TPO: variants seen among roughly 807,000 people sequenced by gnomAD.
The protein encoded by TPO is thyroid peroxidase, also known as thyroid microsomal antigen.
TPO carries 78 observed loss-of-function variants against 96.9 expected under a neutral mutation model. The ratio of observed to expected loss-of-function variants is 0.81; its 90% CI spans 0.67 to 0.97. The LOEUF is 0.97. TPO is among the 50% of genes least tolerant of loss of function. The pLI is 0.00. For synonymous variants in TPO, 547 were observed against 538.0 expected, an observed-to-expected ratio of 1.02 and a Z score of -0.23; for missense variants, 1,252 against 1,274.8, an observed-to-expected ratio of 0.98 and a Z score of 0.27.
chr2:1,428,757 T>G (rs1251802695), intron 3 of TPO, among the ~76,000 whole-genome samples: 1 of 152,278 alleles, frequency 6.6e-6, no homozygotes, highest in African/African-American at 2.4e-5. Context: ...CTTGCTCAGA[T>G]AGATTTTAGA....
intron 15 of TPO, among the ~76,000 whole-genome samples, chr2:1,535,664 C>T (rs1346746220): frequency 9.6e-6 from 1 of 103,726 alleles, no homozygotes; most frequent in Non-Finnish European, 2.0e-5. Context: ...CCTCAAATCC[C>T]CCCACTCTGT....
chr2:1,458,928 C>T (rs1165048971), intron 7 of TPO, among the ~76,000 whole-genome samples: 4 of 152,138 alleles, frequency 2.6e-5, no homozygotes, highest in African/African-American at 9.7e-5. Flanking sequence ...GCAAAGAGCA[C>T]ACTTGGCCCT....
intron 7 of TPO, 92 bp downstream of exon 7, chr2:1,456,374 T>A: frequency 7.3e-7 from 1 of 1,364,564 alleles, no homozygotes; most frequent in Non-Finnish European, 1.0e-6. Context: ...TGTGAAAGTC[T>A]GTTTCTTTGT....
At chr2:1,381,660 AT>A (rs1468296396) in intron 1 of TPO, among the ~76,000 whole-genome samples, 1 of 152,190 alleles carries the variant, frequency 6.6e-6, no homozygotes, top group Non-Finnish European at 1.5e-5. Context: ...TACTAATAAA[AT>A]TTTACAGTGT....
chr2:1,491,411 G>A (rs752661480), intron 10 of TPO, among the ~76,000 whole-genome samples: 4 of 152,092 alleles, frequency 2.6e-5, no homozygotes, highest in African/African-American at 7.2e-5. Context: ...TTCTAACTTC[G>A]TTGTTTTTTC....
At chr2:1,448,105 G>A (rs1022660250) in intron 5 of TPO, among the ~76,000 whole-genome samples, 33 of 152,204 alleles carry the variant, frequency 2.2e-4, no homozygotes, top group African/African-American at 7.7e-4. Context: ...TGGCCTGGGA[G>A]GAGCCGGGAT....
intron 15 of TPO, among the ~76,000 whole-genome samples, chr2:1,521,551 T>C (rs1340031795): frequency 1.8e-4 from 27 of 152,064 alleles, no homozygotes; most frequent in Admixed American, 1.7e-3. Flanking sequence ...CCTGAGTCTC[T>C]TGAGATGGAG....
At chr2:1,541,396 C>T (rs554624257) in intron 16 of TPO, 44 of 182,162 alleles carry the variant, frequency 2.4e-4, no homozygotes, top group South Asian at 4.5e-4. Context: ...CTTGCTCTGT[C>T]GCCCAGACTG....
intron 7 of TPO, among the ~76,000 whole-genome samples, chr2:1,460,358 TC>T (rs1455906635): frequency 6.6e-6 from 1 of 152,140 alleles, no homozygotes; most frequent in Non-Finnish European, 1.5e-5. Context: ...AGGCCCTCGT[TC>T]CCAGCTAAGT....
In TPO at chr2:1,504,108, G is replaced by T. The variant is rs777966785; in HGVS notation, c.2518+29G>T. 3 of 1,613,200 alleles carry T rather than the reference G, an allele frequency of 1.9e-6. No individual in the cohort carries two copies. The South Asian group carries it at 3.3e-5, about 18-fold the overall frequency. ...AGGCTGTTCCCCTCTCTCTCTGTCC[G>T]TCCATTTGCGAGTTTTTGTAAAATG... On this transcript the variant is annotated intron_variant, in intron 14 of 16. Coordinates refer to ENST00000329066, the MANE Select transcript of TPO (RefSeq NM_001206744.2).
chr2:1,458,008 TAAGA>T (rs1171521671), intron 7 of TPO, among the ~76,000 whole-genome samples: 94 of 150,466 alleles, frequency 6.2e-4, no homozygotes, highest in African/African-American at 2.2e-3. Flanking sequence ...ATATGGCATA[TAAGA>T]TAGTGTGTGG....
upstream of TPO, among the ~76,000 whole-genome samples, chr2:1,408,510 A>C (rs11685159): frequency 0.57 from 86,490 of 151,922 alleles, 24,894 homozygotes; most frequent in Admixed American, 0.66. Context: ...TGGTAATTAG[A>C]GTACGGAGTT....
chr2:1,477,658 C>A, intron 8 of TPO, 54 bp downstream of exon 8: 4 of 1,435,668 alleles, frequency 2.8e-6, no homozygotes, highest in Non-Finnish European at 1.8e-6. Flanking sequence ...GCGGGGGGCG[C>A]CTCGTGTGGG....
chr2:1,511,257 C>CCCTGCAGAGTGGGGGTGCCACAGCAA (rs1277605459), intron 14 of TPO, among the ~76,000 whole-genome samples: 1 of 43,950 alleles, frequency 2.3e-5, no homozygotes, highest in African/African-American at 8.4e-5. Context: ...TGCCACAGCG[C>CCCTGCAGAGTGGGGGTGCCACAGCAA]AGCCCTGCAG....
chr2:1,423,219 T>C (rs1479644367), intron 3 of TPO, 90 bp downstream of exon 3: 10 of 1,242,358 alleles, frequency 8.0e-6, no homozygotes, highest in East Asian at 2.5e-5. Flanking sequence ...ATTTTCGCAA[T>C]TGCAGATGAA....
chr2:1,437,516 A>G (rs1654059378), intron 5 of TPO, among the ~76,000 whole-genome samples: 1 of 152,170 alleles, frequency 6.6e-6, no homozygotes, highest in Non-Finnish European at 1.5e-5. Flanking sequence ...GTCCTGAGAC[A>G]GAGAGCAGGG....
At chr2:1,509,779 C>T (rs1401625886) in intron 14 of TPO, among the ~76,000 whole-genome samples, 4 of 151,874 alleles carry the variant, frequency 2.6e-5, no homozygotes, top group African/African-American at 7.3e-5. Context: ...GACACCCTAC[C>T]CTTTTGTTTC....
intron 7 of TPO, among the ~76,000 whole-genome samples, chr2:1,460,166 A>T (rs6588676): frequency 6.6e-6 from 1 of 151,984 alleles, no homozygotes; most frequent in Non-Finnish European, 1.5e-5. Flanking sequence ...AAACTCCTGA[A>T]CTCAAGTGAT....
intron 1 of TPO, 196 bp downstream of exon 1, chr2:1,413,741 G>A (rs904719814): frequency 2.0e-6 from 2 of 985,282 alleles, no homozygotes; most frequent in Non-Finnish European, 2.4e-6. Context: ...CTGTAGGGTC[G>A]ATTCCTAGAT....
Sources: allele counts gnomAD v4.1 joint callset (sites outside exome capture counted in the v4.1 genomes callset), GRCh38; gene constraint gnomAD v4.1.1; transcripts MANE v1.5; gene names NCBI Gene and HGNC (gene_info 2026-07-23, HGNC 2026-07-21).